ZNF827: variants seen among roughly 807,000 people sequenced by gnomAD.
ZNF827 encodes zinc finger protein 827.
In ZNF827, 13 loss-of-function variants were observed where a neutral mutation model predicts 102.4. The ratio of observed to expected loss-of-function variants is 0.13; its 90% CI spans 0.08 to 0.20. The LOEUF is 0.20. ZNF827 is among the 10% of genes least tolerant of loss of function. The pLI is 1.00. For synonymous variants in ZNF827, 523 were observed against 536.2 expected, an observed-to-expected ratio of 0.98 and a Z score of 0.34; for missense variants, 1,103 against 1,344.4, an observed-to-expected ratio of 0.82 and a Z score of 2.81.
chr4:145,928,793 T>C (rs563023001), intron 1 of ZNF827, among the ~76,000 whole-genome samples: 1 of 152,286 alleles, frequency 6.6e-6, no homozygotes, highest in Admixed American at 6.5e-5. Context: ...CAGAACAGTT[T>C]CTAATCCAAA....
At chr4:145,923,595 T>G (rs756822531) in intron 1 of ZNF827, among the ~76,000 whole-genome samples, 2 of 151,804 alleles carry the variant, frequency 1.3e-5, no homozygotes, top group African/African-American at 4.8e-5. Context: ...AGAGGGAGAC[T>G]CCATCTCAAA....
chr4:145,763,244 G>T lies in ZNF827; in HGVS notation c.3231-122C>A. On this transcript the variant is annotated intron_variant, in intron 13 of 14. Transcript: ENST00000508784. This position sits in a 1 kb window ranked among gnomAD's most constrained non-coding sequence, Gnocchi z 4.6. ...ACATCAGCAGTCTGTTTCATTTTAA[G>T]GACATTTCTGTGACCCACAGCTCAA... 1 of 1,005,132 alleles carries T rather than the reference G, an allele frequency of 9.9e-7. No individual in the cohort carries two copies. Among genetic ancestry groups the T allele is most frequent in the Non-Finnish European group, 1.4e-6 (1 of 692,340 alleles). 62.3% of individuals were successfully genotyped at this position (1,005,132 alleles called of 1,614,324 possible). A position where few individuals can be genotyped will look rare whatever the true frequency, so the allele number is the denominator to read the frequency against.
intron 4 of ZNF827, among the ~76,000 whole-genome samples, chr4:145,883,062 A>T (rs201917693): frequency 1.2e-4 from 7 of 57,774 alleles, no homozygotes; most frequent in South Asian, 8.8e-4. Context: ...AAGTAAAATT[A>T]AAAAAAAAAA....
At chr4:145,869,728 A>T (rs1430024767) in intron 5 of ZNF827, among the ~76,000 whole-genome samples, 1 of 152,234 alleles carries the variant, frequency 6.6e-6, no homozygotes, top group Non-Finnish European at 1.5e-5. Context: ...GAACAGATTA[A>T]TTATTGTAAT....
rs111948537 is a variant in ZNF827, at chr4:145,820,600, T to A, written c.2383+2822A>T. Among the ~76,000 whole-genome samples the A allele has an allele frequency of 6.9e-3, 1,054 of 152,316 alleles. 13 individuals are homozygous for A. Among genetic ancestry groups the A allele is most frequent in the African/African-American group, 0.024 (977 of 41,574 alleles). On this transcript the variant is annotated intron_variant, in intron 8 of 14. Coordinates refer to ENST00000508784, the MANE Select transcript of ZNF827 (RefSeq NM_001306215.2). ...CTTCCCTATTTCTGCACAGCCACTATCATTTCCTAATTCAACGTGCTTATT... is the reference window on the plus strand; with the variant it reads ...CTTCCCTATTTCTGCACAGCCACTAACATTTCCTAATTCAACGTGCTTATT...
rs1734320304 is a variant in ZNF827 at position 145,760,397 on chromosome 4, T to C, written c.*1219A>G. 6.5e-6 allele frequency: 1 copy of C among 152,822 alleles called. No individual in the cohort carries two copies. The highest frequency in any genetic ancestry group is 2.1e-4 in the South Asian group (1 of 4,840). The allele number at this position is 152,822 out of a possible 1,614,324, so 9.5% of individuals were successfully genotyped here. ...CAACAGAAAACCAAATGCACCAGTATATAAGCTTACAAGTGCTGATTGCTA... is the reference window on the plus strand; with the variant it reads ...CAACAGAAAACCAAATGCACCAGTACATAAGCTTACAAGTGCTGATTGCTA... On this transcript the variant is annotated 3_prime_UTR_variant, in exon 15 of 15. Coordinates refer to ENST00000508784, the MANE Select transcript of ZNF827 (RefSeq NM_001306215.2).
intron 5 of ZNF827, among the ~76,000 whole-genome samples, chr4:145,856,472 C>G (rs1747117388): frequency 6.6e-6 from 1 of 152,176 alleles, no homozygotes; most frequent in African/African-American, 2.4e-5. Flanking sequence ...TGCTGCCACA[C>G]CCCAGAGAGA....
chr4:145,772,323 A>G (rs1736417878), intron 11 of ZNF827, among the ~76,000 whole-genome samples: 1 of 152,228 alleles, frequency 6.6e-6, no homozygotes, highest in Admixed American at 6.5e-5. Flanking sequence ...TATATGTCAT[A>G]TAACATATAT....
intron 8 of ZNF827, among the ~76,000 whole-genome samples, chr4:145,812,089 ATTT>A (rs751575131): frequency 1.5e-5 from 2 of 132,790 alleles, no homozygotes; most frequent in Non-Finnish European, 1.6e-5. Flanking sequence ...TACTTTTTGC[ATTT>A]TTTTTTTTTT....
rs111271693 is a variant in ZNF827 at position 145,762,300 on chromosome 4, A to C, written c.*18-702T>G. Among the ~76,000 whole-genome samples the C allele has an allele frequency of 1.7e-3, 254 of 152,292 alleles. 1 individual carries two copies. The highest frequency in any genetic ancestry group is 5.8e-3 in the African/African-American group (240 of 41,542). On this transcript the variant is annotated intron_variant, in intron 14 of 14. Transcript: ENST00000508784. This position sits in a 1 kb window ranked among gnomAD's most constrained non-coding sequence, Gnocchi z 4.9. ...ATGGCAGGGGCATGGGAGGAGAAGG[A>C]AGCCCACCCAACGGCCCATCTGCTA...
chr4:145,868,834 A>C (rs1003057393), intron 5 of ZNF827, among the ~76,000 whole-genome samples: 1 of 152,202 alleles, frequency 6.6e-6, no homozygotes, highest in Non-Finnish European at 1.5e-5. Context: ...GTTGGTTAAG[A>C]CTTCAAGTCA....
Position 145,765,610 on chromosome 4 carries a change from G to T in ZNF827, c.2989C>A (p.Leu997Met). Residue 997 changes from leucine to methionine, a missense_variant, in exon 12 of 15, where the codon CTG (leucine) becomes ATG (methionine). Around this residue, in one of 5 missense-constraint regions of ZNF827, gnomAD observed 242 missense variants for 361.9 expected, o/e 0.67. Coordinates refer to ENST00000508784, the MANE Select transcript of ZNF827 (RefSeq NM_001306215.2). The surrounding 1 kb of genome is among the most constrained non-coding windows in gnomAD (Gnocchi z 4.7). ...CTCCCAGGCATGACAGAGATGACCA[G>T]CAGATTGTTCCCGCCCTTGTTTTTC... ...SQKNKGGNNLLVISVMPGSQP... is the reference protein window; with the variant it reads ...SQKNKGGNNLMVISVMPGSQP... 1 of 1,614,128 alleles carries T rather than the reference G, an allele frequency of 6.2e-7. No homozygotes were observed. Among genetic ancestry groups the T allele is most frequent in the East Asian group, 2.2e-5 (1 of 44,874 alleles).
intron 8 of ZNF827, among the ~76,000 whole-genome samples, chr4:145,797,307 C>T (rs1315766278): frequency 6.6e-6 from 1 of 152,190 alleles, no homozygotes; most frequent in African/African-American, 2.4e-5. Context: ...AAAGTAAGTT[C>T]AGATCTTGCT....
At chr4:145,887,744 A>G (rs755958150) in intron 3 of ZNF827, among the ~76,000 whole-genome samples, 7 of 152,222 alleles carry the variant, frequency 4.6e-5, no homozygotes, top group Middle Eastern at 3.4e-3. Context: ...AATCCCCACC[A>G]TCTCCTCCGA....
chr4:145,879,261 A>G (rs1175361475), intron 4 of ZNF827, among the ~76,000 whole-genome samples: 1 of 152,208 alleles, frequency 6.6e-6, no homozygotes, highest in Non-Finnish European at 1.5e-5. Flanking sequence ...GTTTACTATT[A>G]CAGACCCTAT....
intron 8 of ZNF827, among the ~76,000 whole-genome samples, chr4:145,819,303 T>C (rs1742911731): frequency 6.6e-6 from 1 of 152,160 alleles, no homozygotes; most frequent in Non-Finnish European, 1.5e-5. Flanking sequence ...TGTGTTTTTG[T>C]TTTTTGGCTT....
chr4:145,844,552 T>C (rs911699161), intron 7 of ZNF827, among the ~76,000 whole-genome samples: 1 of 151,594 alleles, frequency 6.6e-6, no homozygotes, highest in Admixed American at 6.6e-5. Flanking sequence ...TGGTGGCATA[T>C]ACCTGTAGTT....
intron 8 of ZNF827, among the ~76,000 whole-genome samples, chr4:145,821,584 T>C (rs1182288666): frequency 6.6e-6 from 1 of 152,198 alleles, no homozygotes; most frequent in Admixed American, 6.5e-5. Context: ...TTTTTTTAGC[T>C]GCTTATTTTA....
chr4:145,897,588 T>G (rs1463460563), intron 2 of ZNF827, among the ~76,000 whole-genome samples: 2 of 152,214 alleles, frequency 1.3e-5, no homozygotes, highest in African/African-American at 4.8e-5. Context: ...AGAATTTCTT[T>G]GTTATGTGTC....
Sources: allele counts gnomAD v4.1 joint callset (sites outside exome capture counted in the v4.1 genomes callset), GRCh38; gene constraint gnomAD v4.1.1; regional missense constraint gnomAD v4.1.1; non-coding constraint Gnocchi (gnomAD v3.1); transcripts MANE v1.5; gene names NCBI Gene and HGNC (gene_info 2026-07-23, HGNC 2026-07-21).